Variants in EP400 observed in about 807,000 individuals in gnomAD.
The protein encoded by EP400 is E1A binding protein p400.
In EP400, 105 loss-of-function variants were observed where a neutral mutation model predicts 354.1. The observed-to-expected ratio is 0.30, with a 90% CI of 0.25 to 0.35. EP400 has a LOEUF of 0.35. EP400 is among the 10% of genes least tolerant of loss of function. EP400 has a pLI of 1.00. For missense variants in EP400, 3,280 were observed against 4,121.0 expected (o/e 0.80, Z 5.59); for synonymous variants, 1,646 against 1,716.9 (o/e 0.96, Z 1.02).
At chr12:131,999,639 G>A (rs568576109) in intron 12 of EP400, among the ~76,000 whole-genome samples, 6 of 151,930 alleles carry the variant, frequency 3.9e-5, no homozygotes, top group Admixed American at 1.3e-4. Context: ...GGGTTTTACC[G>A]TGTTGCCCAG....
At chr12:132,020,928 A>G (rs552326710) in intron 22 of EP400, 151 bp from the exon 23 acceptor site, 2 of 1,063,280 alleles carry the variant, frequency 1.9e-6, no homozygotes, top group Non-Finnish European at 2.6e-6. Context: ...CCTGTAAACT[A>G]TATGGCCCCT....
rs150141089 is a variant in EP400 at position 132,042,584 on chromosome 12, A to G, written c.6208-720A>G. ...CAATAAGTTCTGTGTATCGTGTCAA[A>G]GTAGTGTTATATCACTTTGAGGGTT... On this transcript the variant is annotated intron_variant, in intron 32 of 52. Transcript: ENST00000389561. Among the ~76,000 whole-genome samples the G allele has an allele frequency of 2.0e-5, 3 of 152,364 alleles. No homozygotes were observed. The East Asian group carries it at 5.8e-4, about 29-fold the overall frequency.
In EP400 at chr12:131,995,680, T is replaced by C. The variant is rs138239152; in HGVS notation, c.2827+724T>C. 8.5e-3 allele frequency among the ~76,000 whole-genome samples: 1,166 copies of C among 137,318 alleles called. 31 individuals carry two copies. The South Asian group carries it at 0.092, about 11-fold the overall frequency. 90.1% of individuals were successfully genotyped at this position (137,318 alleles called of 152,430 possible). ...TGAGTGTGTGAGAACTTCACGTGAA[T>C]GAATCCACCACAGCTTGACTGAATG... On this transcript the variant is annotated intron_variant, in intron 12 of 52. Transcript: ENST00000389561.
Position 132,045,580 on chromosome 12 carries a change from G to A in EP400, c.7026+20G>A, listed in dbSNP as rs1248447770. ...CTGCAGGTAGGTGGGCGTGGTCTTTGTGCCAGCGGTCATGTGCGGTCATTT... is the reference window on the plus strand; with the variant it reads ...CTGCAGGTAGGTGGGCGTGGTCTTTATGCCAGCGGTCATGTGCGGTCATTT... On this transcript the variant is annotated intron_variant, in intron 38 of 52. Coordinates refer to ENST00000389561, the MANE Select transcript of EP400 (RefSeq NM_015409.5). The A allele has an allele frequency of 6.2e-7, 1 of 1,612,640 alleles. No individual in the cohort carries two copies. Among genetic ancestry groups the A allele is most frequent in the Non-Finnish European group, 8.5e-7 (1 of 1,179,058 alleles).
rs1593354490 is a variant in EP400, at chr12:132,023,943, T to G, written c.4855+2T>G. On this transcript the variant is annotated splice_donor_variant, in intron 24 of 52. Coordinates refer to ENST00000389561, the MANE Select transcript of EP400 (RefSeq NM_015409.5). LOFTEE classifies it high-confidence loss of function. ...CGGGCCAGCCGCTGCAGCTGCAAGG[T>G]AAGGATAAGGATGAGAGAGCACTGA... is the stretch of plus-strand genomic sequence containing the variant. 1 of 1,597,030 alleles carries G rather than the reference T, an allele frequency of 6.3e-7. No homozygotes were observed. Among genetic ancestry groups the G allele is most frequent in the Non-Finnish European group, 8.5e-7 (1 of 1,171,684 alleles).
chr12:132,045,617 G>T, intron 38 of EP400, 57 bp downstream of exon 38: 2 of 1,606,216 alleles, frequency 1.2e-6, no homozygotes, highest in Non-Finnish European at 1.7e-6. Flanking sequence ...TCTAACGCAC[G>T]TCCGTGCATC....
chr12:132,017,459 C>T lies in EP400; in HGVS notation c.3924-76C>T, dbSNP rs1028840720. ...CCTGCCTGCCTTTCTGGAGTTGGGA[C>T]AGTCGATGGTGAGGGTGGGACTATG... On this transcript the variant is annotated intron_variant, in intron 19 of 52. Transcript: ENST00000389561. The surrounding 1 kb of genome is among the most constrained non-coding windows in gnomAD (Gnocchi z 5.0). 25 of 1,494,234 alleles carry T rather than the reference C, an allele frequency of 1.7e-5. No individual in the cohort carries two copies. The highest frequency in any genetic ancestry group is 2.4e-4 in the Middle Eastern group (1 of 4,138). 92.6% of individuals were successfully genotyped at this position (1,494,234 alleles called of 1,614,324 possible).
At chr12:132,026,876 G>A (rs139968471) in intron 25 of EP400, among the ~76,000 whole-genome samples, 3 of 152,196 alleles carry the variant, frequency 2.0e-5, no homozygotes, top group South Asian at 4.1e-4. Context: ...AAAGTCTGCC[G>A]CACTAAGTGG....
At chr12:131,973,678 T>C (rs1282319022) in intron 2 of EP400, among the ~76,000 whole-genome samples, 1 of 152,188 alleles carries the variant, frequency 6.6e-6, no homozygotes, top group Admixed American at 6.5e-5. Flanking sequence ...ATGAGTTTTA[T>C]TATTTGCAGC....
intron 45 of EP400, among the ~76,000 whole-genome samples, chr12:132,060,991 C>T (rs372336731): frequency 6.6e-6 from 1 of 151,966 alleles, no homozygotes; most frequent in African/African-American, 2.4e-5. Context: ...AACTTTGGAC[C>T]TTCACTGAAT....
At position 132,038,874 on chromosome 12, in the gene EP400, A is replaced by T. The variant is rs1170313981; in HGVS notation, c.6207+778A>T. On this transcript the variant is annotated intron_variant, in intron 32 of 52. Coordinates refer to ENST00000389561, the MANE Select transcript of EP400 (RefSeq NM_015409.5). This position sits in a 1 kb window ranked among gnomAD's most constrained non-coding sequence, Gnocchi z 4.2. ...CATGTGGCCCTGCCACTCCTCCAGA[A>T]CTTGTTGTGGGGTCCCCGTTTCTGT... Among the ~76,000 whole-genome samples, 1 of 152,118 alleles carries T rather than the reference A, an allele frequency of 6.6e-6. No homozygotes were observed. Among genetic ancestry groups the T allele is most frequent in the Non-Finnish European group, 1.5e-5 (1 of 68,024 alleles).
intron 12 of EP400, 85 bp downstream of exon 12, chr12:131,995,041 T>G: frequency 5.7e-4 from 629 of 1,109,018 alleles, no homozygotes; most frequent in Non-Finnish European, 7.5e-4. Flanking sequence ...ATATATTGAG[T>G]AACAACAGCA....
chr12:131,972,453 G>A (rs1241327548), intron 2 of EP400, among the ~76,000 whole-genome samples: 3 of 152,014 alleles, frequency 2.0e-5, no homozygotes, highest in Admixed American at 1.3e-4. Flanking sequence ...GCACCTGGCC[G>A]AGTTTTATTA....
chr12:132,050,381 C>A lies in EP400; in HGVS notation c.7259C>A (p.Thr2420Lys). ...ATCTATGCCCAGGATGAGAATGCCACACACACCCAGCTGTACACGAGCCAC... is the reference window on the plus strand; with the variant it reads ...ATCTATGCCCAGGATGAGAATGCCAAACACACCCAGCTGTACACGAGCCAC... ...SQIYAQDENA[T>K]HTQLYTSHFD... The change falls in exon 40 of 53, where the codon ACA (threonine) becomes AAA (lysine). Residue 2420 changes from threonine (T) to lysine (K), a missense_variant. By Grantham distance (78) the Thr-to-Lys change is moderately conservative. Around this residue, in one of 20 missense-constraint regions of EP400, gnomAD observed 84 missense variants for 133.0 expected, o/e 0.63. Transcript: ENST00000389561. The surrounding 1 kb of genome is among the most constrained non-coding windows in gnomAD (Gnocchi z 4.8). 6.2e-7 allele frequency: 1 copy of A among 1,614,146 alleles called. No individual in the cohort carries two copies. The highest frequency in any genetic ancestry group is 8.5e-7 in the Non-Finnish European group (1 of 1,180,036).
In EP400 at chr12:132,029,768, C is replaced by G; in HGVS notation, c.5449C>G (p.Leu1817Val). 1.9e-6 allele frequency: 3 copies of G among 1,613,572 alleles called. No homozygotes were observed. The highest frequency in any genetic ancestry group is 2.7e-5 in the African/African-American group (2 of 75,070). ...CCTACGGGTGCCGCGGCCGCCACCC[C>G]TGTACAGCCACAGAATGAGGATCTT... ...PSLRVPRPPP[L>V]YSHRMRILRQ... Residue 1817 changes from leucine to valine, a missense_variant, in exon 28 of 53, where the codon CTG (leucine) becomes GTG (valine). Around this residue, in one of 20 missense-constraint regions of EP400, gnomAD observed 459 missense variants for 496.9 expected, o/e 0.92. Transcript: ENST00000389561. This position sits in a 1 kb window ranked among gnomAD's most constrained non-coding sequence, Gnocchi z 4.7.
rs1463887021 is a variant in EP400 at position 132,069,592 on chromosome 12, C to G, written c.8972C>G (p.Ser2991Cys). ...LKTQFLTTPI[S>C]QAQKLAGAQQ... is the part of the protein sequence containing the mutation. ...ACCCAGTTTCTTACCACACCCATCT[C>G]CCAGGCCCAGAAACTGGCCGGGGCC... The change falls in exon 51 of 53, where the codon TCC becomes TGC. Residue 2991 changes from serine to cysteine, a missense_variant. Transcript: ENST00000389561. 3.1e-6 allele frequency: 5 copies of G among 1,614,138 alleles called. No homozygotes were observed. The African/African-American group carries it at 5.3e-5, about 17-fold the overall frequency.
chr12:132,044,736 T>C (rs371666463), intron 36 of EP400, 21 bp downstream of exon 36: 58 of 1,614,048 alleles, frequency 3.6e-5, no homozygotes, highest in Non-Finnish European at 4.7e-5. Context: ...CCCTCTCCCT[T>C]TGTGTCTGTG....
In EP400 at chr12:132,067,660, A is replaced by G. The variant is rs569168731; in HGVS notation, c.8874+174A>G. ...TCCCTGTTGGTTTTTCCTTCCTTTA[A>G]AAGGTGAATGCTGTGTGTGATGTGA... On this transcript the variant is annotated intron_variant, in intron 50 of 52. Transcript: ENST00000389561. The surrounding 1 kb of genome is among the most constrained non-coding windows in gnomAD (Gnocchi z 5.3). Among the ~76,000 whole-genome samples the G allele has an allele frequency of 3.9e-5, 6 of 152,228 alleles. No homozygotes were observed. In the South Asian group the frequency reaches 1.2e-3, roughly 32 times the overall value.
At chr12:131,971,539 T>C (rs1041951889) in intron 2 of EP400, among the ~76,000 whole-genome samples, 34 of 152,330 alleles carry the variant, frequency 2.2e-4, no homozygotes, top group African/African-American at 7.7e-4. Context: ...CTATTTTTAA[T>C]TTTTTGAGGA....
Sources: allele counts gnomAD v4.1 joint callset (sites outside exome capture counted in the v4.1 genomes callset), GRCh38; gene constraint gnomAD v4.1.1; regional missense constraint gnomAD v4.1.1; non-coding constraint Gnocchi (gnomAD v3.1); transcripts MANE v1.5; gene names NCBI Gene and HGNC (gene_info 2026-07-23, HGNC 2026-07-21).